ROBO2: variants seen among roughly 807,000 people sequenced by gnomAD.
ROBO2 encodes the protein roundabout guidance receptor 2, also known as roundabout homolog 2.
In ROBO2, 53 loss-of-function variants were observed where a neutral mutation model predicts 160.8. The observed-to-expected ratio is 0.33, with a 90% CI of 0.26 to 0.41. The LOEUF is 0.41. Among genes scored for constraint, ROBO2 ranks in the 10% least tolerant of loss-of-function variants. ROBO2 has a pLI of 1.00. For synonymous variants in ROBO2, 664 were observed against 611.7 expected, an observed-to-expected ratio of 1.09 and a Z score of -1.26; for missense variants, 1,577 against 1,722.4, an observed-to-expected ratio of 0.92 and a Z score of 1.49.
intron 2 of ROBO2, among the ~76,000 whole-genome samples, chr3:77,235,355 A>AATTT (rs757077994): frequency 1.4e-5 from 2 of 143,740 alleles, no homozygotes. Context: ...AGAGGAGAAT[A>AATTT]TTTTTTTTTT....
chr3:77,606,588 T>C (rs1223931549), intron 20 of ROBO2, among the ~76,000 whole-genome samples: 1 of 152,228 alleles, frequency 6.6e-6, no homozygotes, highest in East Asian at 1.9e-4. Context: ...CACTATTTTA[T>C]AACTGGCAAT....
intron 2 of ROBO2, chr3:76,434,973 G>C (rs2076603497): frequency 1.3e-5 from 20 of 1,588,144 alleles, no homozygotes; most frequent in Non-Finnish European, 1.7e-5. Flanking sequence ...ACTTGAACTG[G>C]AGGGTAAGAA....
intron 2 of ROBO2, among the ~76,000 whole-genome samples, chr3:75,976,589 G>A (rs561044433): frequency 1.2e-4 from 18 of 151,434 alleles, no homozygotes; most frequent in Non-Finnish European, 1.9e-4. Context: ...GGATATTAAC[G>A]TATAATACAT....
At chr3:76,529,747 T>C (rs2082127830) in intron 2 of ROBO2, among the ~76,000 whole-genome samples, 1 of 152,190 alleles carries the variant, frequency 6.6e-6, no homozygotes, top group Admixed American at 6.6e-5. Flanking sequence ...GTAAAGCATG[T>C]TGTCTTTCAG....
chr3:76,275,107 CAAT>C (rs763794805), intron 2 of ROBO2, among the ~76,000 whole-genome samples: 7 of 152,068 alleles, frequency 4.6e-5, no homozygotes, highest in Non-Finnish European at 8.8e-5. Flanking sequence ...GACACAACAA[CAAT>C]AATTGCGCCG....
At chr3:76,481,609 A>C (rs545876551) in intron 2 of ROBO2, among the ~76,000 whole-genome samples, 3 of 152,298 alleles carry the variant, frequency 2.0e-5, no homozygotes, top group African/African-American at 7.2e-5. Context: ...AGTTTGCATC[A>C]GCATCATCTG....
At chr3:76,291,845 T>A (rs1708818484) in intron 2 of ROBO2, among the ~76,000 whole-genome samples, 1 of 152,176 alleles carries the variant, frequency 6.6e-6, no homozygotes, top group South Asian at 2.1e-4. Flanking sequence ...TTCTTGGTAT[T>A]AATTTATATT....
chr3:77,455,600 T>G (rs531068627), intron 2 of ROBO2, among the ~76,000 whole-genome samples: 1 of 152,080 alleles, frequency 6.6e-6, no homozygotes, highest in Non-Finnish European at 1.5e-5. Context: ...CCCAGCTAAT[T>G]TTTGTATTTT....
intron 2 of ROBO2, among the ~76,000 whole-genome samples, chr3:76,014,426 A>G (rs1002466627): frequency 1.3e-5 from 2 of 152,118 alleles, no homozygotes; most frequent in African/African-American, 4.8e-5. Flanking sequence ...CTGGTGGTTT[A>G]TGCATGTAAT....
intron 2 of ROBO2, among the ~76,000 whole-genome samples, chr3:76,043,035 C>G (rs1037806695): frequency 1.3e-5 from 2 of 151,860 alleles, no homozygotes; most frequent in African/African-American, 4.9e-5. Context: ...CCTGCTACAC[C>G]CTTAATAGTT....
At chr3:76,381,920 C>T (rs1264519655) in intron 2 of ROBO2, among the ~76,000 whole-genome samples, 2 of 152,114 alleles carry the variant, frequency 1.3e-5, no homozygotes, top group African/African-American at 2.4e-5. Context: ...GTCTATGTCT[C>T]TAATTCATGT....
At chr3:76,309,595 T>C (rs1468070533) in intron 2 of ROBO2, among the ~76,000 whole-genome samples, 1 of 152,208 alleles carries the variant, frequency 6.6e-6, no homozygotes, top group African/African-American at 2.4e-5. Context: ...AAAGCGGTAA[T>C]TTGTTCCCTT....
At chr3:76,746,687 T>A (rs567921971) in intron 2 of ROBO2, among the ~76,000 whole-genome samples, 2 of 152,154 alleles carry the variant, frequency 1.3e-5, no homozygotes, top group Non-Finnish European at 2.9e-5. Flanking sequence ...ATAGGCAGGA[T>A]GTTCAGGTTT....
intron 2 of ROBO2, among the ~76,000 whole-genome samples, chr3:76,717,667 A>C (rs902353757): frequency 6.6e-6 from 1 of 152,134 alleles, no homozygotes; most frequent in African/African-American, 2.4e-5. Flanking sequence ...TATGAACAAT[A>C]GGTAAGAGTT....
At chr3:76,756,356 G>C (rs1024532851) in intron 2 of ROBO2, among the ~76,000 whole-genome samples, 6 of 151,810 alleles carry the variant, frequency 4.0e-5, no homozygotes, top group Non-Finnish European at 7.4e-5. Context: ...TTGTTTTATA[G>C]TTTGGTCCGT....
chr3:77,266,302 A>G (rs2059121211), intron 2 of ROBO2, among the ~76,000 whole-genome samples: 1 of 151,766 alleles, frequency 6.6e-6, no homozygotes, highest in South Asian at 2.1e-4. Flanking sequence ...CTTGATATGG[A>G]CAATCATTGA....
chr3:76,079,482 GTT>G (rs35755828), intron 2 of ROBO2, among the ~76,000 whole-genome samples: 2 of 137,226 alleles, frequency 1.5e-5, no homozygotes, highest in Non-Finnish European at 1.5e-5. Context: ...ATTATTATTA[GTT>G]TTTTTTTTTT....
At chr3:76,883,369 A>T (rs2073556003) in intron 2 of ROBO2, among the ~76,000 whole-genome samples, 1 of 152,274 alleles carries the variant, frequency 6.6e-6, no homozygotes, top group Middle Eastern at 3.4e-3. Context: ...TATCATGTTC[A>T]AATGTTGTGA....
At chr3:77,024,257 T>C (rs1048913595) in intron 2 of ROBO2, among the ~76,000 whole-genome samples, 3 of 152,140 alleles carry the variant, frequency 2.0e-5, no homozygotes. Context: ...AGGGAATCCA[T>C]TGGAAGAGGA....
Sources: gnomAD v4.1 joint callset for allele counts (sites outside exome capture counted in the v4.1 genomes callset) on GRCh38, gnomAD v4.1.1 for gene constraint, MANE v1.5 for transcripts, NCBI Gene and HGNC (gene_info 2026-07-23, HGNC 2026-07-21) for gene names.